Variants in MYO7A observed in about 807,000 individuals in gnomAD.
MYO7A encodes the protein myosin VIIA.
MYO7A carries 210 observed loss-of-function variants against 263.8 expected under a neutral mutation model. The observed-to-expected ratio is 0.80, with a 90% CI of 0.71 to 0.89. The LOEUF (loss-of-function observed/expected upper bound fraction) is 0.89. Among genes scored for constraint, MYO7A ranks in the 40% least tolerant of loss-of-function variants. The pLI, the probability that MYO7A is intolerant of heterozygous loss-of-function variation, is 0.00. For missense variants in MYO7A, 2,820 were observed against 2,968.3 expected (o/e 0.95, Z 1.16); for synonymous variants, 1,239 against 1,197.3 (o/e 1.03, Z -0.72).
In MYO7A at chr11:77,162,834, C is replaced by G; in HGVS notation, c.1555-19C>G. ...CATGGAGGAGAGGGTGGGCTCACAG[C>G]TGCCCCTCCACTCCCCAGGGCACAG... On this transcript the variant is annotated intron_variant, in intron 13 of 48. Transcript: ENST00000409709. 6.2e-7 allele frequency: 1 copy of G among 1,606,420 alleles called. No individual in the cohort carries two copies. The highest frequency in any genetic ancestry group is 8.5e-7 in the Non-Finnish European group (1 of 1,174,676).
intron 2 of MYO7A, among the ~76,000 whole-genome samples, chr11:77,131,931 C>T (rs1950777762): frequency 6.6e-6 from 1 of 152,178 alleles, no homozygotes; most frequent in African/African-American, 2.4e-5. Context: ...AGTGGGAGGG[C>T]CTTGGGCACG....
chr11:77,160,896 C>T (rs1169881818), intron 11 of MYO7A, 77 bp from the exon 12 acceptor site: 3 of 1,519,896 alleles, frequency 2.0e-6, no homozygotes, highest in Non-Finnish European at 2.7e-6. Context: ...GGAGCGACAC[C>T]ACGAAGGGTC....
chr11:77,153,827 G>A (rs55646565), intron 4 of MYO7A, among the ~76,000 whole-genome samples: 1,746 of 152,266 alleles, frequency 0.011, 13 homozygotes, highest in Non-Finnish European at 0.017. Context: ...TGAAATCTAG[G>A]GGCCTCCGTC....
In MYO7A at chr11:77,158,275, A is replaced by G. The variant is rs781944758; in HGVS notation, c.850-2A>G. ...ACCCCACTCTCCCACCCTGCCCACC[A>G]GGGTAACTGCATAACCTGTGAGGGC... On this transcript the variant is annotated splice_acceptor_variant, in intron 8 of 48. Coordinates refer to ENST00000409709, the MANE Select transcript of MYO7A (RefSeq NM_000260.4). LOFTEE classifies it high-confidence loss of function. 6.3e-7 allele frequency: 1 copy of G among 1,590,120 alleles called. No homozygotes were observed. The highest frequency in any genetic ancestry group is 1.3e-5 in the African/African-American group (1 of 74,564).
At chr11:77,160,474 G>A (rs543493181) in intron 11 of MYO7A, among the ~76,000 whole-genome samples, 192 bp downstream of exon 11, 7 of 152,306 alleles carry the variant, frequency 4.6e-5, no homozygotes, top group East Asian at 3.9e-4. Flanking sequence ...AGCTCTGGCC[G>A]CCCCAGGCCC....
At position 77,194,359 on chromosome 11, in the gene MYO7A, C is replaced by G; in HGVS notation, c.4158C>G (p.Asp1386Glu). 1 of 1,611,358 alleles carries G rather than the reference C, an allele frequency of 6.2e-7. No homozygotes were observed. The highest frequency in any genetic ancestry group is 2.2e-5 in the East Asian group (1 of 44,818). The change falls in exon 32 of 49, where the codon GAC (aspartate) becomes GAG (glutamate). Residue 1386 changes from aspartate to glutamate, a missense_variant. Transcript: ENST00000409709. ...KFGEYRCEKE[D>E]DLAELASQQY... ...CGAGGCCTCCCCCCACCTAGGAGGACGACCTGGCTGAGCTGGCCTCCCAGC... is the reference window on the plus strand; with the variant it reads ...CGAGGCCTCCCCCCACCTAGGAGGAGGACCTGGCTGAGCTGGCCTCCCAGC...
At chr11:77,182,947 TG>T in intron 25 of MYO7A, 120 bp from the exon 26 acceptor site, 2 of 871,762 alleles carry the variant, frequency 2.3e-6, no homozygotes, top group Non-Finnish European at 3.8e-6. Flanking sequence ...GGTGGCAGTG[TG>T]GGGGACACCC....
At chr11:77,142,923 T>C (rs1342988602) in intron 3 of MYO7A, 101 bp downstream of exon 3, 4 of 960,888 alleles carry the variant, frequency 4.2e-6, no homozygotes, top group Non-Finnish European at 6.5e-6. Flanking sequence ...ATGGAGGCCA[T>C]GCCCATGCCC....
At position 77,203,137 on chromosome 11, in the gene MYO7A, G is replaced by A. The variant is rs781537330; in HGVS notation, c.5246G>A (p.Arg1749Gln). ...RGKDRLWSHT[R>Q]EPLKQALLKK... ...AAGGACCGGCTGTGGAGCCACACGCGGGAACCGCTCAAGCAGGCGCTGCTC... is the reference window on the plus strand; with the variant it reads ...AAGGACCGGCTGTGGAGCCACACGCAGGAACCGCTCAAGCAGGCGCTGCTC... The change falls in exon 38 of 49, where the codon CGG (arginine) becomes CAG (glutamine). Residue 1749 changes from arginine (R) to glutamine (Q), a missense_variant. Physicochemically the swap from Arg to Gln is conservative, Grantham distance 43. Transcript: ENST00000409709. 129 of 1,550,640 alleles carry A rather than the reference G, an allele frequency of 8.3e-5. No individual in the cohort carries two copies. The highest frequency in any genetic ancestry group is 1.2e-4 in the East Asian group (5 of 41,056).
At chr11:77,159,403 G>GGGGCC in intron 9 of MYO7A, 44 bp from the exon 10 acceptor site, 16 of 711,640 alleles carry the variant, frequency 2.2e-5, no homozygotes, top group Non-Finnish European at 3.0e-5. Flanking sequence ...TGCCCCTGTT[G>GGGGCC]CCCACCCTCC....
intron 12 of MYO7A, among the ~76,000 whole-genome samples, 167 bp from the exon 13 acceptor site, chr11:77,161,953 C>T (rs1211034346): frequency 6.6e-6 from 1 of 152,226 alleles, no homozygotes; most frequent in Non-Finnish European, 1.5e-5. Context: ...GTGTCCTCCT[C>T]TGCACCTGGA....
At position 77,156,878 on chromosome 11, in the gene MYO7A, G is replaced by A. The variant is rs1555062857; in HGVS notation, c.609G>A (p.Lys203=). ...TPILEAFGNA[K]TIRNDNSSRF... is the part of the protein sequence containing the mutation. ...ACTCCGCAGCATTTGGGAATGCCAA[G>A]ACCATCCGCAATGACAACTCAAGCC... is the stretch of plus-strand genomic sequence containing the variant. Residue 203 remains lysine, a synonymous_variant, in exon 7 of 49, where the codon AAG becomes AAA. Coordinates refer to ENST00000409709, the MANE Select transcript of MYO7A (RefSeq NM_000260.4). 2 of 1,613,966 alleles carry A rather than the reference G, an allele frequency of 1.2e-6. No individual in the cohort carries two copies. Among genetic ancestry groups the A allele is most frequent in the Non-Finnish European group, 1.7e-6 (2 of 1,179,900 alleles).
intron 44 of MYO7A, among the ~76,000 whole-genome samples, chr11:77,210,597 TC>T (rs1957797971): frequency 6.6e-6 from 1 of 152,156 alleles, no homozygotes; most frequent in Non-Finnish European, 1.5e-5. Context: ...ACCATAAGGC[TC>T]TAGGAGTCTG....
intron 4 of MYO7A, among the ~76,000 whole-genome samples, chr11:77,153,546 T>G (rs1367021522): frequency 6.6e-6 from 1 of 152,146 alleles, no homozygotes; most frequent in African/African-American, 2.4e-5. Flanking sequence ...GCATCCCCCA[T>G]GTCCCTCTCT....
In MYO7A at chr11:77,200,207, GCTGCAGTGAGCCATGATTGTGCCA is replaced by G. The variant is rs1199304021; in HGVS notation, c.4852+397_4852+420del. Among the ~76,000 whole-genome samples the G allele has an allele frequency of 2.6e-5, 4 of 152,142 alleles. No homozygotes were observed. In the East Asian group the frequency reaches 7.7e-4, roughly 29 times the overall value. ...GATTACTTGAGTCCAGGAGGTGGAG[GCTGCAGTGAGCCATGATTGTGCCA>G]CTGCAGTCCAGCCTGGACAAGAGTG... On this transcript the variant is annotated intron_variant, in intron 35 of 48. Coordinates refer to ENST00000409709, the MANE Select transcript of MYO7A (RefSeq NM_000260.4).
At position 77,213,868 on chromosome 11, in the gene MYO7A, C is replaced by T; in HGVS notation, c.6447C>T (p.Leu2149=). The change falls in exon 48 of 49, where the codon CTC becomes CTT. Residue 2149 remains leucine, a synonymous_variant. Transcript: ENST00000409709. ...SLIDPKTKDI[L]TTHPFTKISN... The stretch of plus-strand genomic sequence containing the variant: ...CCTTTCTGCTCCCCCAGGATATCCT[C>T]ACCACTCATCCCTTCACCAAGATCT... The T allele has an allele frequency of 2.5e-6, 4 of 1,614,058 alleles. No individual in the cohort carries two copies. The highest frequency in any genetic ancestry group is 3.3e-5 in the Admixed American group (2 of 60,034).
intron 2 of MYO7A, chr11:77,142,428 G>A (rs1951269509): frequency 2.4e-5 from 7 of 296,700 alleles, no homozygotes; most frequent in South Asian, 1.5e-4. Context: ...CATGGGGAGA[G>A]CTGGGCTTTG....
Position 77,138,175 on chromosome 11 carries a change from C to A in MYO7A, c.19-4534C>A, listed in dbSNP as rs924439384. On this transcript the variant is annotated intron_variant, in intron 2 of 48. Transcript: ENST00000409709. This position sits in a 1 kb window ranked among gnomAD's most constrained non-coding sequence, Gnocchi z 4.9. ...GCGGGCGCCCCCTCGCCGTCCCGCC[C>A]GCGGGCGTCACCTAAGCCGCCGTTG... 2.0e-5 allele frequency among the ~76,000 whole-genome samples: 3 copies of A among 152,022 alleles called. No homozygotes were observed. Among genetic ancestry groups the A allele is most frequent in the Non-Finnish European group, 4.4e-5 (3 of 67,970 alleles).
chr11:77,186,142 G>A (rs1054549193), intron 27 of MYO7A, among the ~76,000 whole-genome samples: 15 of 151,956 alleles, frequency 9.9e-5, no homozygotes, highest in Middle Eastern at 3.2e-3. Context: ...GGCTGGTCTT[G>A]AACTCCTGAC....
Sources: gnomAD v4.1 joint callset for allele counts (sites outside exome capture counted in the v4.1 genomes callset) on GRCh38, gnomAD v4.1.1 for gene constraint, Gnocchi (gnomAD v3.1) non-coding constraint, MANE v1.5 for transcripts, NCBI Gene and HGNC (gene_info 2026-07-23, HGNC 2026-07-21) for gene names.